CRKL: variants seen among roughly 807,000 people sequenced by gnomAD.
The protein encoded by CRKL is crk-like protein.
CRKL carries 3 observed loss-of-function variants against 23.0 expected under a neutral mutation model. The ratio of observed to expected loss-of-function variants is 0.13; its 90% confidence interval spans 0.06 to 0.34. The LOEUF (loss-of-function observed/expected upper bound fraction) is 0.34. CRKL is among the 10% of genes least tolerant of loss of function. The pLI is 1.00. For synonymous variants in CRKL, 188 were observed against 160.7 expected, an observed-to-expected ratio of 1.17 and a Z score of -1.28; for missense variants, 256 against 394.5, an observed-to-expected ratio of 0.65 and a Z score of 2.97.
chr22:20,941,538 ATGTG>A (rs1187984983), intron 2 of CRKL, among the ~76,000 whole-genome samples: 1,198 of 50,294 alleles, frequency 0.024, 203 homozygotes, highest in Middle Eastern at 0.036. Flanking sequence ...TATATATTTT[ATGTG>A]TGTGTGTGTG....
At chr22:20,944,139 C>CTTTTTTTTTTT (rs57177824) in intron 2 of CRKL, among the ~76,000 whole-genome samples, 12 of 105,850 alleles carry the variant, frequency 1.1e-4, no homozygotes, top group African/African-American at 1.1e-4. Context: ...GTAGTATTAG[C>CTTTTTTTTTTT]TTTTTTTTTT....
intron 2 of CRKL, among the ~76,000 whole-genome samples, chr22:20,946,169 G>A (rs1364625126): frequency 1.3e-5 from 2 of 152,184 alleles, no homozygotes; most frequent in Non-Finnish European, 2.9e-5. Context: ...TATCAGTACA[G>A]GGAGCGGAGA....
intron 2 of CRKL, among the ~76,000 whole-genome samples, chr22:20,944,668 G>T (rs1921992090): frequency 6.6e-6 from 1 of 152,120 alleles, no homozygotes; most frequent in Non-Finnish European, 1.5e-5. Context: ...CTCCCAAAGT[G>T]CTGGGATTAC....
intron 2 of CRKL, among the ~76,000 whole-genome samples, chr22:20,940,610 T>C (rs1425583349): frequency 6.7e-6 from 1 of 148,794 alleles, no homozygotes; most frequent in Non-Finnish European, 1.5e-5. Flanking sequence ...TTAGTGATAC[T>C]CAGCGTTCTT....
In CRKL at chr22:20,934,253, T is replaced by C. The variant is rs1921571413; in HGVS notation, c.777+9T>C. Reference sequence around the variant, plus strand: ...CTGCCTTGGCATTAGAGGTAAAATCTGTTCAGATTAGCTTTTTGGGTCCTT... The same window carrying C: ...CTGCCTTGGCATTAGAGGTAAAATCCGTTCAGATTAGCTTTTTGGGTCCTT... On this transcript the variant is annotated intron_variant, in intron 2 of 2. Coordinates refer to ENST00000354336, the MANE Select transcript of CRKL (RefSeq NM_005207.4). 1 of 1,595,520 alleles carries C rather than the reference T, an allele frequency of 6.3e-7. No individual in the cohort carries two copies. The highest frequency in any genetic ancestry group is 8.6e-7 in the Non-Finnish European group (1 of 1,169,386).
Position 20,933,925 on chromosome 22 carries a change from T to C in CRKL, c.458T>C (p.Ile153Thr), listed in dbSNP as rs1276223674. The C allele has an allele frequency of 6.2e-7, 1 of 1,613,974 alleles. No homozygotes were observed. The highest frequency in any genetic ancestry group is 1.3e-5 in the African/African-American group (1 of 74,890). Residue 153 changes from isoleucine (I) to threonine (T), a missense_variant, in exon 2 of 3, where the codon ATA (isoleucine) becomes ACA (threonine). By Grantham distance (89) the Ile-to-Thr change is moderately conservative (BLOSUM62 -1). Coordinates refer to ENST00000354336, the MANE Select transcript of CRKL (RefSeq NM_005207.4). ...AAAAAGGGTGAGATCCTAGTGATAA[T>C]AGAGAAGCCTGAAGAACAGTGGTGG... The part of the protein sequence containing the change: ...PFKKGEILVI[I>T]EKPEEQWWSA...
intron 1 of CRKL, among the ~76,000 whole-genome samples, chr22:20,921,516 A>T (rs1920993733): frequency 9.6e-5 from 1 of 10,440 alleles, no homozygotes; most frequent in Non-Finnish European, 3.3e-4. Context: ...AGATCAATAT[A>T]CAGGAGGGAC....
chr22:20,921,508 A>T (rs1158245295), intron 1 of CRKL, among the ~76,000 whole-genome samples: 2 of 33,260 alleles, frequency 6.0e-5, no homozygotes, highest in African/African-American at 1.5e-4. Context: ...TACTAGTAAG[A>T]TCAATATACA....
rs553946602 is a variant in CRKL at position 20,952,009 on chromosome 22, A to G, written c.*2164A>G. 3 of 224,310 alleles carry G rather than the reference A, an allele frequency of 1.3e-5. No homozygotes were observed. In the South Asian group the frequency reaches 5.5e-4, roughly 41 times the overall value. 13.9% of individuals were successfully genotyped at this position (224,310 alleles called of 1,614,324 possible). A position where few individuals can be genotyped will look rare whatever the true frequency, so the allele number is the denominator to read the frequency against. On this transcript the variant is annotated 3_prime_UTR_variant, in exon 3 of 3. Transcript: ENST00000354336. ...CTGGCGTAGCACCCACAAGTGGCAG[A>G]CATATCACAAGAGTCCCCAGACTCT... is the stretch of plus-strand genomic sequence containing the variant.
intron 2 of CRKL, among the ~76,000 whole-genome samples, chr22:20,942,769 G>A (rs765693124): frequency 1.3e-5 from 2 of 151,942 alleles, no homozygotes; most frequent in African/African-American, 2.4e-5. Flanking sequence ...TTATAGGCAC[G>A]TGCCACCACA....
In CRKL at chr22:20,949,895, T is replaced by G. The variant is rs758615647; in HGVS notation, c.*50T>G. 1 of 1,557,168 alleles carries G rather than the reference T, an allele frequency of 6.4e-7. No individual in the cohort carries two copies. The highest frequency in any genetic ancestry group is 8.6e-7 in the Non-Finnish European group (1 of 1,156,144). On this transcript the variant is annotated 3_prime_UTR_variant, in exon 3 of 3. Transcript: ENST00000354336. The stretch of plus-strand genomic sequence containing the variant: ...CTTTGTTGTTCTGCCTGTCCTAGTC[T>G]CCTTTGAAGTGGGAAAGCATTTTCT...
At chr22:20,933,707 T>C in intron 1 of CRKL, 72 bp from the exon 2 acceptor site, 1 of 1,184,656 alleles carries the variant, frequency 8.4e-7, no homozygotes, top group East Asian at 2.3e-5. Context: ...GAGAGTGGTA[T>C]ATTAAGAAGT....
At chr22:20,927,394 T>C (rs1302348270) in intron 1 of CRKL, among the ~76,000 whole-genome samples, 7 of 149,976 alleles carry the variant, frequency 4.7e-5, no homozygotes, top group Non-Finnish European at 1.0e-4. Context: ...TTTCACCATA[T>C]TGGACCAGGC....
At chr22:20,925,032 A>G (rs1373868539) in intron 1 of CRKL, among the ~76,000 whole-genome samples, 1 of 152,034 alleles carries the variant, frequency 6.6e-6, no homozygotes, top group Admixed American at 6.6e-5. Context: ...TACTAAAAAT[A>G]CAAAAACTAG....
intron 1 of CRKL, among the ~76,000 whole-genome samples, chr22:20,921,778 G>C (rs1014901584): frequency 6.6e-6 from 1 of 150,790 alleles, no homozygotes; most frequent in Admixed American, 6.6e-5. Flanking sequence ...GTGCGATCTC[G>C]GCTCACTGCA....
intron 1 of CRKL, among the ~76,000 whole-genome samples, chr22:20,921,387 A>T (rs1353904007): frequency 3.3e-5 from 5 of 152,146 alleles, no homozygotes; most frequent in African/African-American, 1.2e-4. Flanking sequence ...GAGAATTATA[A>T]CCCAGTGTAA....
rs560543946 is a variant in CRKL at position 20,934,341 on chromosome 22, G to A, written c.777+97G>A. The A allele has an allele frequency of 1.3e-5, 14 of 1,092,144 alleles. No individual in the cohort carries two copies. The Middle Eastern group carries it at 9.2e-4, about 72-fold the overall frequency. 67.7% of individuals were successfully genotyped at this position (1,092,144 alleles called of 1,614,324 possible). On this transcript the variant is annotated intron_variant, in intron 2 of 2. Coordinates refer to ENST00000354336, the MANE Select transcript of CRKL (RefSeq NM_005207.4). ...CTGCTCATTTAAGCTTATATTCATGGAATTAGAGCACTGGATGATTTTGGA... is the reference window on the plus strand; with the variant it reads ...CTGCTCATTTAAGCTTATATTCATGAAATTAGAGCACTGGATGATTTTGGA...
In CRKL at chr22:20,953,448, C is replaced by T. The variant is rs1008786615; in HGVS notation, c.*3603C>T. 15 of 230,376 alleles carry T rather than the reference C, an allele frequency of 6.5e-5. No individual in the cohort carries two copies. Among genetic ancestry groups the T allele is most frequent in the Admixed American group, 2.3e-4 (4 of 17,656 alleles). 14.3% of individuals were successfully genotyped at this position (230,376 alleles called of 1,614,324 possible). A position where few individuals can be genotyped will look rare whatever the true frequency, so the allele number is the denominator to read the frequency against. ...AAAACAACAACAACAACAACAACAA[C>T]AACATAAAACTCTTTTGACCTGTAA... On this transcript the variant is annotated 3_prime_UTR_variant, in exon 3 of 3. Coordinates refer to ENST00000354336, the MANE Select transcript of CRKL (RefSeq NM_005207.4).
chr22:20,923,311 C>T (rs1921058707), intron 1 of CRKL, among the ~76,000 whole-genome samples: 1 of 150,786 alleles, frequency 6.6e-6, no homozygotes, highest in African/African-American at 2.4e-5. Context: ...GAGTCTTGTT[C>T]TGTCGCCCAG....
Sources: allele counts gnomAD v4.1 joint callset (sites outside exome capture counted in the v4.1 genomes callset), GRCh38; gene constraint gnomAD v4.1.1; transcripts MANE v1.5; gene names NCBI Gene and HGNC (gene_info 2026-07-23, HGNC 2026-07-21).